BCAS1: variants seen among roughly 807,000 people sequenced by gnomAD.
The protein encoded by BCAS1 is brain enriched myelin associated protein 1.
Under a neutral mutation model 65.4 loss-of-function variants are expected in BCAS1, and 46 were observed. That is an observed-to-expected ratio of 0.70 (90% CI 0.55 to 0.90). The LOEUF (loss-of-function observed/expected upper bound fraction) is 0.90, where lower values mean the gene tolerates loss of function less well. Ranked by LOEUF, BCAS1 falls within the 40% of genes least tolerant of loss-of-function variation. BCAS1 has a pLI of 0.00. For synonymous variants in BCAS1, 298 were observed against 293.5 expected, an observed-to-expected ratio of 1.02 and a Z score of -0.16; for missense variants, 793 against 771.2, an observed-to-expected ratio of 1.03 and a Z score of -0.33.
intron 1 of BCAS1, among the ~76,000 whole-genome samples, chr20:54,065,790 GA>G (rs1181366076): frequency 3.3e-5 from 5 of 152,204 alleles, no homozygotes; most frequent in Non-Finnish European, 7.3e-5. Flanking sequence ...CCGTGTCTGA[GA>G]AGTGAGGGGT....
At chr20:54,038,109 T>C (rs111428853) in intron 3 of BCAS1, among the ~76,000 whole-genome samples, 3,639 of 151,434 alleles carry the variant, frequency 0.024, 204 homozygotes, top group Non-Finnish European at 0.038. Flanking sequence ...TACTATGTTT[T>C]TCCTCACACC....
intron 7 of BCAS1, among the ~76,000 whole-genome samples, chr20:53,990,056 C>T (rs768448639): frequency 6.6e-6 from 1 of 152,110 alleles, no homozygotes; most frequent in Non-Finnish European, 1.5e-5. Flanking sequence ...AATAAATTTT[C>T]GTCTTGTTTT....
chr20:54,070,325 A>G (rs887443905), intron 1 of BCAS1, 108 bp downstream of exon 1: 3 of 152,318 alleles, frequency 2.0e-5, no homozygotes, highest in African/African-American at 7.2e-5. Flanking sequence ...AACAGAAGGC[A>G]GAGCTGGGAT....
chr20:53,956,217 T>C (rs763322737), intron 11 of BCAS1, among the ~76,000 whole-genome samples: 2 of 152,188 alleles, frequency 1.3e-5, no homozygotes, highest in Non-Finnish European at 2.9e-5. Flanking sequence ...AACAAAGGCA[T>C]AGGGTGGGGC....
Position 53,967,006 on chromosome 20 carries a change from T to A in BCAS1, c.1385A>T (p.Asp462Val), listed in dbSNP as rs780358824. ...KEVESALQTVDLNEGDAAPEP... is the reference protein window; with the variant it reads ...KEVESALQTVVLNEGDAAPEP... Reference sequence around the variant, plus strand: ...AGGTGCAGCATCTCCTTCGTTGAGGTCCACTGTTTGTAAGGCTGATTCTAC... The same window carrying A: ...AGGTGCAGCATCTCCTTCGTTGAGGACCACTGTTTGTAAGGCTGATTCTAC... The change falls in exon 10 of 13, where the codon GAC (aspartate) becomes GTC (valine). Residue 462 changes from aspartate (D) to valine (V), a missense_variant. Coordinates refer to ENST00000688948, the MANE Select transcript of BCAS1 (RefSeq NM_001366298.2). 6.2e-7 allele frequency: 1 copy of A among 1,613,336 alleles called. No individual in the cohort carries two copies. Among genetic ancestry groups the A allele is most frequent in the East Asian group, 2.2e-5 (1 of 44,860 alleles).
chr20:54,029,640 C>T (rs374742773), intron 3 of BCAS1, among the ~76,000 whole-genome samples: 5 of 152,116 alleles, frequency 3.3e-5, no homozygotes, highest in African/African-American at 1.2e-4. Flanking sequence ...TAATAAATCT[C>T]GTAATTTTGT....
chr20:53,953,877 A>G (rs1429975952), intron 11 of BCAS1, among the ~76,000 whole-genome samples, 182 bp from the exon 12 acceptor site: 1 of 152,176 alleles, frequency 6.6e-6, no homozygotes, highest in Non-Finnish European at 1.5e-5. Context: ...TGGTGGGGAC[A>G]TTTATTTAGT....
intron 1 of BCAS1, among the ~76,000 whole-genome samples, chr20:54,059,035 T>G (rs2092343421): frequency 6.6e-6 from 1 of 152,096 alleles, no homozygotes; most frequent in Admixed American, 6.6e-5. Flanking sequence ...GCTGGGGAAA[T>G]GCCAGATGCT....
intron 4 of BCAS1, among the ~76,000 whole-genome samples, chr20:54,002,317 G>A (rs139660175): frequency 3.2e-4 from 48 of 152,270 alleles, no homozygotes; most frequent in Admixed American, 1.4e-3. Context: ...CTTATGTCCC[G>A]TCTCTCAGAG....
intron 4 of BCAS1, among the ~76,000 whole-genome samples, chr20:54,016,510 C>T (rs879737346): frequency 1.3e-5 from 2 of 152,178 alleles, no homozygotes; most frequent in African/African-American, 2.4e-5. Flanking sequence ...GTACAGTAAA[C>T]TATAGTCACC....
chr20:54,042,827 C>T (rs1157623525), intron 3 of BCAS1, among the ~76,000 whole-genome samples: 1 of 152,218 alleles, frequency 6.6e-6, no homozygotes, highest in African/African-American at 2.4e-5. Context: ...GGACTGAACA[C>T]TTGACCTATT....
chr20:53,954,380 G>A (rs2089638271), intron 11 of BCAS1, among the ~76,000 whole-genome samples: 1 of 149,974 alleles, frequency 6.7e-6, no homozygotes, highest in Non-Finnish European at 1.5e-5. Flanking sequence ...AGATCTAGCT[G>A]TTCCTGGAGC....
chr20:54,056,805 C>CTTG (rs1284287560), intron 3 of BCAS1, among the ~76,000 whole-genome samples: 2 of 152,228 alleles, frequency 1.3e-5, no homozygotes, highest in Non-Finnish European at 2.9e-5. Flanking sequence ...AGCCCAGAAT[C>CTTG]TTACATGTGA....
intron 4 of BCAS1, among the ~76,000 whole-genome samples, chr20:54,026,835 GCAT>G (rs2146084277): frequency 6.6e-6 from 1 of 152,336 alleles, no homozygotes; most frequent in Non-Finnish European, 1.5e-5. Context: ...AGTTCTCCTG[GCAT>G]CTGGCATCTC....
intron 1 of BCAS1, among the ~76,000 whole-genome samples, chr20:54,065,225 G>T (rs530607930): frequency 2.4e-4 from 37 of 151,082 alleles, no homozygotes; most frequent in Non-Finnish European, 4.3e-4. Context: ...AATGTTTAGG[G>T]TATTTTATTT....
intron 4 of BCAS1, among the ~76,000 whole-genome samples, chr20:53,997,062 C>A (rs1221164334): frequency 1.3e-5 from 2 of 152,198 alleles, no homozygotes; most frequent in Non-Finnish European, 2.9e-5. Flanking sequence ...GAGAGATTGT[C>A]CCTAAACATT....
chr20:54,034,028 A>G (rs935216362), intron 3 of BCAS1, among the ~76,000 whole-genome samples: 2 of 151,430 alleles, frequency 1.3e-5, no homozygotes, highest in African/African-American at 4.8e-5. Flanking sequence ...CTAAAGACAA[A>G]AACTACATGA....
At chr20:54,005,357 A>G (rs1349931309) in intron 4 of BCAS1, among the ~76,000 whole-genome samples, 1 of 152,054 alleles carries the variant, frequency 6.6e-6, no homozygotes, top group Non-Finnish European at 1.5e-5. Context: ...GCATGGTGGC[A>G]TGCACCTGTG....
intron 4 of BCAS1, among the ~76,000 whole-genome samples, chr20:54,007,131 C>T (rs944553621): frequency 6.6e-6 from 1 of 152,182 alleles, no homozygotes; most frequent in Admixed American, 6.5e-5. Flanking sequence ...TGACAGCCCA[C>T]GTGCTCCCCA....
Sources: allele counts gnomAD v4.1 joint callset (sites outside exome capture counted in the v4.1 genomes callset), GRCh38; gene constraint gnomAD v4.1.1; transcripts MANE v1.5; gene names NCBI Gene and HGNC (gene_info 2026-07-23, HGNC 2026-07-21).